Variants in ARK2N observed in about 807,000 individuals in gnomAD.
The protein encoded by ARK2N is arkadia (RNF111) N-terminal like PKA signaling regulator 2N, also known as protein ARK2N.
chr18:46,180,650 C>G, the ARK2N span, among the ~76,000 whole-genome samples: 31 of 151,932 alleles, frequency 2.0e-4, no homozygotes, highest in Non-Finnish European at 4.3e-4. Context: ...CTGTGGTGAG[C>G]CAAGATTGTG....
the ARK2N span, among the ~76,000 whole-genome samples, chr18:46,251,840 G>T: frequency 6.6e-6 from 1 of 151,916 alleles, no homozygotes; most frequent in South Asian, 2.1e-4. Context: ...GTAAGCCTTG[G>T]TTTGAGACTG....
the ARK2N span, among the ~76,000 whole-genome samples, chr18:46,185,127 G>T: frequency 6.6e-6 from 1 of 152,174 alleles, no homozygotes; most frequent in African/African-American, 2.4e-5. Flanking sequence ...TGTTTCATTA[G>T]TGGTCTTGGT....
At chr18:46,186,455 A>G in the ARK2N span, among the ~76,000 whole-genome samples, 1 of 150,504 alleles carries the variant, frequency 6.6e-6, no homozygotes, top group Non-Finnish European at 1.5e-5. Context: ...TGGTCTCCCA[A>G]AGTGGTGGGA....
chr18:46,209,808 G>T, the ARK2N span, among the ~76,000 whole-genome samples: 18 of 152,032 alleles, frequency 1.2e-4, no homozygotes, highest in Non-Finnish European at 5.9e-5. Context: ...GTTGGCCAGG[G>T]TGGTCTTGAA....
the ARK2N span, among the ~76,000 whole-genome samples, chr18:46,257,481 G>T: frequency 1.3e-5 from 2 of 152,100 alleles, no homozygotes; most frequent in African/African-American, 4.8e-5. Flanking sequence ...CATATTTTAT[G>T]ATTGCCTTGT....
chr18:46,194,421 G>C, the ARK2N span, among the ~76,000 whole-genome samples: 2 of 151,754 alleles, frequency 1.3e-5, no homozygotes, highest in African/African-American at 4.8e-5. Flanking sequence ...CAACATGGTG[G>C]AACCCCATCT....
At chr18:46,248,884 C>T in the ARK2N span, among the ~76,000 whole-genome samples, 1 of 151,898 alleles carries the variant, frequency 6.6e-6, no homozygotes, top group African/African-American at 2.4e-5. Flanking sequence ...CGCCTGGCCT[C>T]TATACTCTTA....
chr18:46,203,963 A>G, the ARK2N span, among the ~76,000 whole-genome samples: 1 of 152,180 alleles, frequency 6.6e-6, no homozygotes. Flanking sequence ...TAGTGGGCTC[A>G]TATTCCTTTT....
chr18:46,248,163 G>C, the ARK2N span, among the ~76,000 whole-genome samples: 1 of 152,202 alleles, frequency 6.6e-6, no homozygotes, highest in South Asian at 2.1e-4. Flanking sequence ...GGCACTGCCT[G>C]CTGGTGTTGG....
At chr18:46,181,267 TG>T in the ARK2N span, among the ~76,000 whole-genome samples, 18 of 149,576 alleles carry the variant, frequency 1.2e-4, no homozygotes, top group Non-Finnish European at 2.1e-4. Context: ...TCTCGGGAGG[TG>T]GGGGGGGAAA....
the ARK2N span, among the ~76,000 whole-genome samples, chr18:46,254,155 A>G: frequency 0.61 from 93,420 of 152,050 alleles, 31,236 homozygotes; most frequent in Non-Finnish European, 0.74. Flanking sequence ...TCTCACGTTT[A>G]TACTTTCTTG....
the ARK2N span, among the ~76,000 whole-genome samples, chr18:46,257,555 A>G: frequency 6.6e-6 from 1 of 152,178 alleles, no homozygotes. Flanking sequence ...TGGACAGTCC[A>G]GTTTCACAGA....
At chr18:46,200,762 C>G in the ARK2N span, among the ~76,000 whole-genome samples, 5 of 151,896 alleles carry the variant, frequency 3.3e-5, no homozygotes, top group African/African-American at 1.2e-4. Flanking sequence ...TGTCATTGTC[C>G]CTGCTCATTT....
At chr18:46,226,272 T>G in the ARK2N span, among the ~76,000 whole-genome samples, 1 of 152,238 alleles carries the variant, frequency 6.6e-6, no homozygotes, top group Non-Finnish European at 1.5e-5. Context: ...AGACTGCAGC[T>G]TGATTTCATG....
the ARK2N span, chr18:46,266,044 G>A: frequency 1.5e-4 from 23 of 152,308 alleles, no homozygotes; most frequent in Admixed American, 1.5e-3. Context: ...TTTGATGGTA[G>A]GGGCCAGACT....
chr18:46,191,194 T>C, the ARK2N span, among the ~76,000 whole-genome samples: 1 of 152,186 alleles, frequency 6.6e-6, no homozygotes, highest in African/African-American at 2.4e-5. Flanking sequence ...TAATAGACTT[T>C]ATTTTTTAGA....
chr18:46,182,845 G>A, the ARK2N span, among the ~76,000 whole-genome samples: 3 of 152,018 alleles, frequency 2.0e-5, no homozygotes, highest in African/African-American at 7.2e-5. Context: ...CCTATTTATA[G>A]AGTTTATATC....
the ARK2N span, among the ~76,000 whole-genome samples, chr18:46,198,801 G>A: frequency 6.6e-6 from 1 of 152,250 alleles, no homozygotes; most frequent in South Asian, 2.1e-4. Flanking sequence ...GTTTCACTAT[G>A]TTGGCCAGGT....
At chr18:46,212,467 T>C in the ARK2N span, among the ~76,000 whole-genome samples, 4,358 of 152,282 alleles carry the variant, frequency 0.029, 191 homozygotes, top group African/African-American at 0.099. Flanking sequence ...AATGTATCTT[T>C]TTTCATTAAA....
Sources: allele counts gnomAD v4.1 joint callset (sites outside exome capture counted in the v4.1 genomes callset), GRCh38; gene constraint gnomAD v4.1.1; transcripts MANE v1.5; gene names NCBI Gene and HGNC (gene_info 2026-07-23, HGNC 2026-07-21).